SORCS3: variants seen among roughly 807,000 people sequenced by gnomAD.
The protein encoded by SORCS3 is VPS10 domain-containing receptor SorCS3.
Under a neutral mutation model 146.3 loss-of-function variants are expected in SORCS3, and 57 were observed. The ratio of observed to expected loss-of-function variants is 0.39; its 90% CI spans 0.31 to 0.49. The LOEUF is 0.49. SORCS3 is among the 20% of genes least tolerant of loss of function. The pLI is 0.92. For missense variants in SORCS3, 1,341 were observed against 1,575.5 expected (o/e 0.85, Z 2.52); for synonymous variants, 653 against 618.5 (o/e 1.06, Z -0.83).
chr10:105,242,793 CATTTATATATA>C (rs2056841361), intron 20 of SORCS3, among the ~76,000 whole-genome samples: 1 of 87,164 alleles, frequency 1.1e-5, no homozygotes, highest in Admixed American at 1.9e-4. Flanking sequence ...TATTTATATA[CATTTATATATA>C]ATTTATATAT....
chr10:105,116,798 A>G (rs1337923578), intron 7 of SORCS3, among the ~76,000 whole-genome samples: 3 of 152,064 alleles, frequency 2.0e-5, no homozygotes, highest in African/African-American at 7.2e-5. Flanking sequence ...AAAACCATAT[A>G]CCTCACGTTC....
intron 19 of SORCS3, among the ~76,000 whole-genome samples, chr10:105,219,057 A>G (rs2056683234): frequency 6.6e-6 from 1 of 152,176 alleles, no homozygotes; most frequent in African/African-American, 2.4e-5. Context: ...GCTTAGCTAA[A>G]AGGGAGGCTG....
chr10:105,106,834 G>A (rs74809873), intron 7 of SORCS3, among the ~76,000 whole-genome samples: 3,334 of 152,174 alleles, frequency 0.022, 110 homozygotes, highest in East Asian at 0.16. Context: ...GCAGGCCAAC[G>A]GCACTCTCAT....
intron 2 of SORCS3, among the ~76,000 whole-genome samples, chr10:104,898,011 A>G (rs910240551): frequency 2.0e-5 from 3 of 152,178 alleles, no homozygotes; most frequent in Non-Finnish European, 4.4e-5. Flanking sequence ...CCCTTGACAG[A>G]ATGGCTTAGG....
chr10:104,724,182 ATCTC>A (rs1007028081), intron 1 of SORCS3, among the ~76,000 whole-genome samples: 46 of 152,062 alleles, frequency 3.0e-4, no homozygotes, highest in Non-Finnish European at 6.2e-4. Context: ...TGGTGACAAA[ATCTC>A]TCAGCATTTG....
In SORCS3 at chr10:104,748,721, C is replaced by T. The variant is rs1208474329; in HGVS notation, c.628-94071C>T. Among the ~76,000 whole-genome samples the T allele has an allele frequency of 6.6e-5, 10 of 152,086 alleles. 1 individual carries two copies. Among genetic ancestry groups the T allele is most frequent in the Admixed American group, 1.3e-4 (2 of 15,270 alleles). On this transcript the variant is annotated intron_variant, in intron 1 of 26. Transcript: ENST00000369701. ...TACAAAAATTTGCTGGGTGTGGTGG[C>T]GGGTGCCTGTAATCCCAGCTACTTG...
chr10:104,789,631 A>C (rs1298880141), intron 1 of SORCS3, among the ~76,000 whole-genome samples: 1 of 152,260 alleles, frequency 6.6e-6, no homozygotes, highest in Non-Finnish European at 1.5e-5. Context: ...TACAATTGCT[A>C]AGAAAAGTAA....
chr10:104,980,808 A>T (rs1239838843), intron 4 of SORCS3, among the ~76,000 whole-genome samples: 1 of 152,190 alleles, frequency 6.6e-6, no homozygotes. Context: ...CCCCAAAGCT[A>T]CAGAAGACTT....
At chr10:104,792,041 C>A (rs1368983629) in intron 1 of SORCS3, among the ~76,000 whole-genome samples, 1 of 151,870 alleles carries the variant, frequency 6.6e-6, no homozygotes, top group Non-Finnish European at 1.5e-5. Flanking sequence ...AGTTAAAAAT[C>A]TTTTGCCAAG....
chr10:104,857,960 C>T (rs1482997934), intron 2 of SORCS3, among the ~76,000 whole-genome samples: 1 of 152,068 alleles, frequency 6.6e-6, no homozygotes, highest in Non-Finnish European at 1.5e-5. Context: ...TGGAACTGGA[C>T]CTAATTCTGA....
intron 1 of SORCS3, among the ~76,000 whole-genome samples, chr10:104,693,836 TTC>T (rs2016142975): frequency 6.6e-6 from 1 of 152,168 alleles, no homozygotes; most frequent in Non-Finnish European, 1.5e-5. Context: ...TCTTGTTCTC[TTC>T]CCCCATGTGC....
At chr10:105,045,638 C>T (rs2055366988) in intron 5 of SORCS3, among the ~76,000 whole-genome samples, 1 of 152,002 alleles carries the variant, frequency 6.6e-6, no homozygotes, top group African/African-American at 2.4e-5. Flanking sequence ...CTTGTTATCT[C>T]CTTGAGAAAA....
intron 1 of SORCS3, among the ~76,000 whole-genome samples, chr10:104,704,328 C>T (rs1169678471): frequency 1.3e-5 from 2 of 152,080 alleles, no homozygotes; most frequent in African/African-American, 4.8e-5. Flanking sequence ...CCACCATGCC[C>T]AGCTATTTTT....
chr10:104,756,194 A>G (rs1418559554), intron 1 of SORCS3, among the ~76,000 whole-genome samples: 1 of 152,210 alleles, frequency 6.6e-6, no homozygotes, highest in Non-Finnish European at 1.5e-5. Context: ...AAGAGGATGC[A>G]TGGTGGTGAA....
chr10:104,839,217 T>G (rs891264177), intron 1 of SORCS3, among the ~76,000 whole-genome samples: 2 of 152,208 alleles, frequency 1.3e-5, no homozygotes, highest in Non-Finnish European at 2.9e-5. Context: ...AGAAGGCCAC[T>G]CATGTAACGT....
At chr10:105,004,000 CTT>C (rs1226455197) in intron 4 of SORCS3, among the ~76,000 whole-genome samples, 9 of 140,180 alleles carry the variant, frequency 6.4e-5, no homozygotes, top group Admixed American at 2.1e-4. Context: ...TCTTCTCTCT[CTT>C]TTTTTTTTTT....
At chr10:104,950,923 C>T (rs1174511129) in intron 3 of SORCS3, among the ~76,000 whole-genome samples, 1 of 152,180 alleles carries the variant, frequency 6.6e-6, no homozygotes, top group Non-Finnish European at 1.5e-5. Flanking sequence ...TAAATTATTT[C>T]AGCAAAGTGA....
intron 9 of SORCS3, among the ~76,000 whole-genome samples, chr10:105,156,902 A>T (rs923600706): frequency 6.6e-6 from 1 of 151,038 alleles, no homozygotes; most frequent in Non-Finnish European, 1.5e-5. Context: ...ACTGGGAAAA[A>T]AACAGATGGG....
At chr10:104,794,627 GA>G (rs61552838) in intron 1 of SORCS3, among the ~76,000 whole-genome samples, 30,966 of 142,144 alleles carry the variant, frequency 0.22, 4,196 homozygotes, top group Middle Eastern at 0.31. Context: ...GGGAGGGAGA[GA>G]GAGAGAGAGA....
Sources: gnomAD v4.1 joint callset for allele counts (sites outside exome capture counted in the v4.1 genomes callset) on GRCh38, gnomAD v4.1.1 for gene constraint, MANE v1.5 for transcripts, NCBI Gene and HGNC (gene_info 2026-07-23, HGNC 2026-07-21) for gene names.